The following LARGE1 variants were observed in gnomAD, a reference collection of about 807,000 sequenced individuals.
LARGE1 encodes the protein LARGE xylosyl- and glucuronyltransferase 1.
A neutral mutation model predicts 87.6 loss-of-function variants in LARGE1; 43 were observed. The observed-to-expected ratio is 0.49, with a 90% CI of 0.38 to 0.63. The LOEUF (loss-of-function observed/expected upper bound fraction) is 0.63. Ranked by LOEUF, LARGE1 falls within the 30% of genes least tolerant of loss-of-function variation. The probability of loss-of-function intolerance (pLI) is 0.00; values close to 1 mark genes in which losing one functional copy is unlikely to be tolerated. For synonymous variants in LARGE1, 434 were observed against 394.6 expected, an observed-to-expected ratio of 1.10 and a Z score of -1.18; for missense variants, 802 against 1,000.2, an observed-to-expected ratio of 0.80 and a Z score of 2.67.
At chr22:33,304,814 C>T (rs1934653684) in intron 11 of LARGE1, among the ~76,000 whole-genome samples, 1 of 152,166 alleles carries the variant, frequency 6.6e-6, no homozygotes, top group African/African-American at 2.4e-5. Context: ...AGATCCCCTT[C>T]CAGCCCCAAA....
the LARGE1 span, among the ~76,000 whole-genome samples, chr22:33,106,292 G>C: frequency 1.3e-5 from 2 of 152,150 alleles, no homozygotes; most frequent in Non-Finnish European, 2.9e-5. Flanking sequence ...CAGCAGGTGA[G>C]AGTATGAGTA....
At chr22:33,535,013 A>G (rs542299167) in intron 6 of LARGE1, among the ~76,000 whole-genome samples, 96 of 152,258 alleles carry the variant, frequency 6.3e-4, no homozygotes, top group Non-Finnish European at 1.2e-3. Flanking sequence ...CATTATCACA[A>G]TCTTGGGCTG....
At chr22:33,484,159 G>A (rs2148227876) in intron 6 of LARGE1, among the ~76,000 whole-genome samples, 1 of 152,212 alleles carries the variant, frequency 6.6e-6, no homozygotes, top group Middle Eastern at 3.4e-3. Context: ...ATGTTCCTGG[G>A]TTTAAAAAAT....
At chr22:33,612,301 A>C (rs2079457233) in intron 4 of LARGE1, among the ~76,000 whole-genome samples, 2 of 152,106 alleles carry the variant, frequency 1.3e-5, no homozygotes, top group South Asian at 4.2e-4. Context: ...ATGGGGTTTC[A>C]CCACATTGGC....
chr22:33,369,274 T>C (rs1313213833), intron 9 of LARGE1, among the ~76,000 whole-genome samples: 1 of 152,148 alleles, frequency 6.6e-6, no homozygotes, highest in African/African-American at 2.4e-5. Flanking sequence ...TCAGATAGGA[T>C]TTATGGAATT....
At chr22:33,672,741 A>C (rs2081453916) in intron 2 of LARGE1, among the ~76,000 whole-genome samples, 1 of 152,214 alleles carries the variant, frequency 6.6e-6, no homozygotes, top group Admixed American at 6.5e-5. Flanking sequence ...TTAAGAACCA[A>C]AGGAGTTGGT....
chr22:33,887,633 G>A (rs1172117790), intron 1 of LARGE1, among the ~76,000 whole-genome samples: 2 of 152,042 alleles, frequency 1.3e-5, no homozygotes. Context: ...AGCTACTCGG[G>A]GGACTGAGGC....
intron 12 of LARGE1, among the ~76,000 whole-genome samples, chr22:33,292,879 C>G (rs1209500027): frequency 6.6e-6 from 1 of 152,110 alleles, no homozygotes; most frequent in African/African-American, 2.4e-5. Context: ...GCTTTTGTTT[C>G]CTTATCTTGA....
intron 1 of LARGE1, among the ~76,000 whole-genome samples, chr22:33,848,459 C>T (rs2063494578): frequency 6.6e-6 from 1 of 152,088 alleles, no homozygotes; most frequent in Admixed American, 6.5e-5. Flanking sequence ...CCCCTGCAGG[C>T]CACTGAATGA....
chr22:33,230,004 CTTTTTTTTTTTTT>C (rs557120175), intron 11 of LARGE1, among the ~76,000 whole-genome samples: 4,557 of 81,278 alleles, frequency 0.056, 292 homozygotes, highest in African/African-American at 0.19. Context: ...TTTCAAAGTT[CTTTTTTTTTTTTT>C]TTTTTTTTTT....
At position 33,465,917 on chromosome 22, in the gene LARGE1, G is replaced by C. The variant is rs1024174317; in HGVS notation, c.788-33652C>G. On this transcript the variant is annotated intron_variant, in intron 6 of 14. Transcript: ENST00000397394. ...GCCACCTCCATCTGCAAATACTGCT[G>C]TACCAACTTTCTTACCTGGTGCTAA... is the stretch of plus-strand genomic sequence containing the variant. Among the ~76,000 whole-genome samples the C allele has an allele frequency of 6.6e-5, 10 of 152,220 alleles. No individual in the cohort carries two copies. The East Asian group carries it at 1.9e-3, about 29-fold the overall frequency.
intron 4 of LARGE1, among the ~76,000 whole-genome samples, chr22:33,614,229 A>G (rs2079519721): frequency 6.6e-6 from 1 of 152,196 alleles, no homozygotes; most frequent in African/African-American, 2.4e-5. Flanking sequence ...CGATTGAGCT[A>G]AAACATATGC....
At chr22:33,747,103 C>T (rs1282985447) in intron 2 of LARGE1, among the ~76,000 whole-genome samples, 1 of 152,182 alleles carries the variant, frequency 6.6e-6, no homozygotes, top group Non-Finnish European at 1.5e-5. Flanking sequence ...AACCAGAGAT[C>T]TAGGTGACCT....
chr22:33,760,647 C>A (rs560731210), intron 2 of LARGE1, among the ~76,000 whole-genome samples: 1 of 152,138 alleles, frequency 6.6e-6, no homozygotes, highest in East Asian at 1.9e-4. Context: ...CACAGCCAGG[C>A]GCAGTGGCTC....
At chr22:33,430,164 G>A (rs2067027175) in intron 7 of LARGE1, among the ~76,000 whole-genome samples, 1 of 152,130 alleles carries the variant, frequency 6.6e-6, no homozygotes, top group African/African-American at 2.4e-5. Context: ...GACTTTTCAG[G>A]GTTGCAGCCT....
rs5749609 is a variant in LARGE1 at position 33,375,357 on chromosome 22, T to C, written c.1131+6562A>G. On this transcript the variant is annotated intron_variant, in intron 9 of 14. Coordinates refer to ENST00000397394, the MANE Select transcript of LARGE1 (RefSeq NM_133642.5). ...TTTTTTACGGTAATATGGTTATTTA[T>C]ACAAGTTCAATAACATTTGCTCTCT... is the stretch of plus-strand genomic sequence containing the variant. Among the ~76,000 whole-genome samples, 86 of 152,292 alleles carry C rather than the reference T, an allele frequency of 5.6e-4. No individual in the cohort carries two copies. The East Asian group carries it at 0.016, about 29-fold the overall frequency.
chr22:33,671,821 T>C (rs2081423111), intron 2 of LARGE1, among the ~76,000 whole-genome samples: 1 of 152,192 alleles, frequency 6.6e-6, no homozygotes, highest in South Asian at 2.1e-4. Context: ...CAAGGTCTGA[T>C]TGCAAAAATT....
At chr22:33,154,525 C>G in the LARGE1 span, among the ~76,000 whole-genome samples, 1 of 152,164 alleles carries the variant, frequency 6.6e-6, no homozygotes, top group South Asian at 2.1e-4. Context: ...CAGGTGTGAG[C>G]CACTGCGCCC....
chr22:33,178,718 A>G (rs571521352), intron 11 of LARGE1, among the ~76,000 whole-genome samples: 1 of 152,270 alleles, frequency 6.6e-6, no homozygotes, highest in East Asian at 1.9e-4. Flanking sequence ...GAGTTGAATA[A>G]TTTCTAGTAT....
Sources: allele counts gnomAD v4.1 joint callset (sites outside exome capture counted in the v4.1 genomes callset), GRCh38; gene constraint gnomAD v4.1.1; transcripts MANE v1.5; gene names NCBI Gene and HGNC (gene_info 2026-07-23, HGNC 2026-07-21).